SCRN1: variants seen among roughly 807,000 people sequenced by gnomAD.
SCRN1 encodes the protein secernin-1.
Under a neutral mutation model 43.3 loss-of-function variants are expected in SCRN1, and 19 were observed. That is an observed-to-expected ratio of 0.44 (90% CI 0.31 to 0.64). The LOEUF (loss-of-function observed/expected upper bound fraction) is 0.64, where lower values mean the gene tolerates loss of function less well. SCRN1 is among the 30% of genes least tolerant of loss of function. The pLI is 0.09. For synonymous variants in SCRN1, 183 were observed against 188.9 expected, an observed-to-expected ratio of 0.97 and a Z score of 0.26; for missense variants, 447 against 524.1, an observed-to-expected ratio of 0.85 and a Z score of 1.44.
intron 3 of SCRN1, among the ~76,000 whole-genome samples, chr7:29,945,015 C>T (rs991686463): frequency 6.6e-6 from 1 of 152,298 alleles, no homozygotes; most frequent in Admixed American, 6.5e-5. Context: ...CCAGAGAGGA[C>T]GTTGTCCTGT....
intron 6 of SCRN1, among the ~76,000 whole-genome samples, chr7:29,932,019 G>A (rs998530952): frequency 6.6e-6 from 1 of 152,170 alleles, no homozygotes; most frequent in African/African-American, 2.4e-5. Flanking sequence ...GTCATACCTG[G>A]CTGAGAGCAG....
rs570696768 is a variant in SCRN1 at position 29,946,564 on chromosome 7, C to T, written c.342-2385G>A. Among the ~76,000 whole-genome samples, 8 of 152,364 alleles carry T rather than the reference C, an allele frequency of 5.3e-5. No individual in the cohort carries two copies. In the East Asian group the frequency reaches 5.8e-4, roughly 11 times the overall value. The stretch of plus-strand genomic sequence containing the variant: ...CTTATCTTTTTTGATTTCCAGTGTA[C>T]TCTTCTGATGTTCTGCCTGTTTGCA... On this transcript the variant is annotated intron_variant, in intron 3 of 7. Transcript: ENST00000242059.
At chr7:29,928,496 C>A (rs192293759) in intron 6 of SCRN1, among the ~76,000 whole-genome samples, 72 of 152,132 alleles carry the variant, frequency 4.7e-4, no homozygotes, top group African/African-American at 1.6e-3. Flanking sequence ...AGCAGTGAGA[C>A]CTTCGTACCC....
Position 29,944,016 on chromosome 7 carries a change from C to T in SCRN1, c.505G>A (p.Glu169Lys), listed in dbSNP as rs377604558. 1.9e-6 allele frequency: 3 copies of T among 1,614,214 alleles called. No homozygotes were observed. The highest frequency in any genetic ancestry group is 2.5e-6 in the Non-Finnish European group (3 of 1,180,038). ...GCAGCCCAGTACTTCCCTATGGTCT[C>T]GAGCACCCAGGCTTCATCACGATCC... is the stretch of plus-strand genomic sequence containing the variant. Reference protein sequence around the residue: ...IVDRDEAWVLETIGKYWAAEK... With the variant: ...IVDRDEAWVLKTIGKYWAAEK... Residue 169 changes from glutamate (E) to lysine (K), a missense_variant, in exon 4 of 8, where the codon GAG becomes AAG. Physicochemically the swap from Glu to Lys is moderately conservative, Grantham distance 56 (BLOSUM62 1). Coordinates refer to ENST00000242059, the MANE Select transcript of SCRN1 (RefSeq NM_014766.5).
intron 6 of SCRN1, among the ~76,000 whole-genome samples, chr7:29,932,254 C>T (rs575205047): frequency 6.6e-6 from 1 of 152,158 alleles, no homozygotes; most frequent in African/African-American, 2.4e-5. Context: ...GGCTGTGCCC[C>T]ACGTGGCTCC....
chr7:29,990,202 A>G, upstream of SCRN1: 1 of 1,551,622 alleles, frequency 6.4e-7, no homozygotes, highest in Non-Finnish European at 8.7e-7. Flanking sequence ...CGCACGTCCA[A>G]GTCGAGTCCC....
intron 6 of SCRN1, among the ~76,000 whole-genome samples, chr7:29,934,190 T>C (rs1006000690): frequency 3.3e-5 from 5 of 152,260 alleles, no homozygotes; most frequent in African/African-American, 4.8e-5. Context: ...AATACAAGGT[T>C]TTTAAAATTA....
chr7:29,935,501 A>C (rs1206539368), intron 6 of SCRN1, among the ~76,000 whole-genome samples: 1 of 152,234 alleles, frequency 6.6e-6, no homozygotes, highest in East Asian at 1.9e-4. Context: ...ACCCAAAAAA[A>C]CACCAGAGAA....
chr7:29,936,972 G>A (rs1341251634), intron 5 of SCRN1, among the ~76,000 whole-genome samples: 2 of 152,172 alleles, frequency 1.3e-5, no homozygotes, highest in Non-Finnish European at 2.9e-5. Context: ...TGTGAACCCG[G>A]GAGGCAGAGT....
chr7:29,923,862 T>C lies in SCRN1; in HGVS notation c.*95A>G, dbSNP rs186571213. 7.3e-7 allele frequency: 1 copy of C among 1,368,476 alleles called. No homozygotes were observed. Among genetic ancestry groups the C allele is most frequent in the African/African-American group, 1.5e-5 (1 of 68,836 alleles). The allele number at this position is 1,368,476 out of a possible 1,614,324, so 84.8% of individuals were successfully genotyped here. ...TCAGAAAAGGAGGCCACATATTAAC[T>C]TTCTCATTTTACTCAAACAGGAGAG... On this transcript the variant is annotated 3_prime_UTR_variant, in exon 8 of 8. Transcript: ENST00000242059.
intron 3 of SCRN1, among the ~76,000 whole-genome samples, chr7:29,946,286 T>C (rs1787735994): frequency 6.6e-6 from 1 of 152,224 alleles, no homozygotes; most frequent in Non-Finnish European, 1.5e-5. Flanking sequence ...GCACTCATCT[T>C]ACCTTGAGGC....
intron 7 of SCRN1, among the ~76,000 whole-genome samples, chr7:29,925,060 T>C (rs1056839768): frequency 5.9e-5 from 9 of 152,176 alleles, no homozygotes; most frequent in Non-Finnish European, 1.0e-4. Flanking sequence ...ACAGTTTTCA[T>C]CTACTTGGGG....
intron 2 of SCRN1, among the ~76,000 whole-genome samples, chr7:29,962,901 T>C (rs972182734): frequency 6.6e-6 from 1 of 152,090 alleles, no homozygotes; most frequent in African/African-American, 2.4e-5. Context: ...GGTACAAGTA[T>C]AGGAGATGGA....
chr7:29,978,957 A>C (rs1788913160), intron 1 of SCRN1, among the ~76,000 whole-genome samples: 1 of 152,272 alleles, frequency 6.6e-6, no homozygotes, highest in African/African-American at 2.4e-5. Context: ...TGTGCTTCAA[A>C]ACCTACATTT....
At chr7:29,975,814 C>T (rs943967992) in intron 1 of SCRN1, among the ~76,000 whole-genome samples, 3 of 152,250 alleles carry the variant, frequency 2.0e-5, no homozygotes, top group African/African-American at 4.8e-5. Flanking sequence ...TCTAATTTAA[C>T]TCCCATAGAT....
Position 29,950,560 on chromosome 7 carries a change from G to A in SCRN1, c.341+4619C>T, listed in dbSNP as rs533920742. Reference sequence around the variant, plus strand: ...GGTCTGCTAGTTCCGGGTGGAGTACGCAGCCCAGAGTGAGAACTTATGGTG... The same window carrying A: ...GGTCTGCTAGTTCCGGGTGGAGTACACAGCCCAGAGTGAGAACTTATGGTG... On this transcript the variant is annotated intron_variant, in intron 3 of 7. Coordinates refer to ENST00000242059, the MANE Select transcript of SCRN1 (RefSeq NM_014766.5). The surrounding 1 kb of genome is among the most constrained non-coding windows in gnomAD (Gnocchi z 4.5). 2.6e-5 allele frequency among the ~76,000 whole-genome samples: 4 copies of A among 152,298 alleles called. No homozygotes were observed. Among genetic ancestry groups the A allele is most frequent in the South Asian group, 2.1e-4 (1 of 4,818 alleles).
rs1484167734 is a variant in SCRN1, at chr7:29,922,496, G to A, written c.*1461C>T. On this transcript the variant is annotated 3_prime_UTR_variant, in exon 8 of 8. Coordinates refer to ENST00000242059, the MANE Select transcript of SCRN1 (RefSeq NM_014766.5). ...GCAGATTCCTGCCAAGAATGATGAGGCAGGATTAGGCCCAACTGGTGCTCT... is the reference window on the plus strand; with the variant it reads ...GCAGATTCCTGCCAAGAATGATGAGACAGGATTAGGCCCAACTGGTGCTCT... 6.6e-6 allele frequency: 1 copy of A among 152,218 alleles called. No homozygotes were observed. Among genetic ancestry groups the A allele is most frequent in the African/African-American group, 2.4e-5 (1 of 41,440 alleles). 9.4% of individuals were successfully genotyped at this position (152,218 alleles called of 1,614,324 possible). A position where few individuals can be genotyped will look rare whatever the true frequency, so the allele number is the denominator to read the frequency against.
rs1301145019 is a variant in SCRN1 at position 29,969,343 on chromosome 7, G to A, written c.-1-275C>T. ...CAGCCAAAAGTGCAGTGATGTGGGA[G>A]AAAGGAAAGGAGGTTATTGTTCTAG... On this transcript the variant is annotated intron_variant, in intron 1 of 7. Coordinates refer to ENST00000242059, the MANE Select transcript of SCRN1 (RefSeq NM_014766.5). 7 of 441,400 alleles carry A rather than the reference G, an allele frequency of 1.6e-5. No individual in the cohort carries two copies. The Admixed American group carries it at 2.4e-4, about 15-fold the overall frequency. 27.3% of individuals were successfully genotyped at this position (441,400 alleles called of 1,614,324 possible).
intron 2 of SCRN1, 100 bp from the exon 3 acceptor site, chr7:29,955,460 G>C: frequency 1.7e-6 from 2 of 1,180,846 alleles, no homozygotes; most frequent in Middle Eastern, 2.0e-4. Context: ...GTTACAAACA[G>C]AGCCAAAAAA....
Sources: gnomAD v4.1 joint callset for allele counts (sites outside exome capture counted in the v4.1 genomes callset) on GRCh38, gnomAD v4.1.1 for gene constraint, Gnocchi (gnomAD v3.1) non-coding constraint, MANE v1.5 for transcripts, NCBI Gene and HGNC (gene_info 2026-07-23, HGNC 2026-07-21) for gene names.